The following MGAT4C variants were observed in gnomAD, a reference collection of about 807,000 sequenced individuals.
MGAT4C encodes alpha-1,3-mannosyl-glycoprotein 4-beta-N-acetylglucosaminyltransferase C.
In MGAT4C, 19 loss-of-function variants were observed where a neutral mutation model predicts 40.1. The observed-to-expected ratio is 0.47, with a 90% CI of 0.33 to 0.70. The LOEUF (loss-of-function observed/expected upper bound fraction) is 0.70, where lower values mean the gene tolerates loss of function less well. MGAT4C is among the 30% of genes least tolerant of loss of function. The pLI, the probability that MGAT4C is intolerant of heterozygous loss-of-function variation, is 0.02. For synonymous variants in MGAT4C, 181 were observed against 187.1 expected (o/e 0.97, Z 0.27); for missense variants, 491 against 563.2 (o/e 0.87, Z 1.30).
At chr12:86,679,496 A>G (rs192731951) in intron 2 of MGAT4C, among the ~76,000 whole-genome samples, 1 of 152,128 alleles carries the variant, frequency 6.6e-6, no homozygotes, top group African/African-American at 2.4e-5. Context: ...AAATATGACA[A>G]GATTGTTCTT....
chr12:86,588,410 T>C (rs965818558), intron 2 of MGAT4C, among the ~76,000 whole-genome samples: 1 of 152,016 alleles, frequency 6.6e-6, no homozygotes. Context: ...AAGCAAGTCC[T>C]GAGTGACCTA....
In MGAT4C at chr12:86,623,595, A is replaced by G. The variant is rs528894398; in HGVS notation, c.-229+103614T>C. 2.0e-5 allele frequency among the ~76,000 whole-genome samples: 3 copies of G among 152,322 alleles called. No homozygotes were observed. In the South Asian group the frequency reaches 6.2e-4, roughly 32 times the overall value. ...TTTTAAGAATTTCATCTAGAATTCT[A>G]TATCAAGTCAAAAATATCTTTCAAA... On this transcript the variant is annotated intron_variant, in intron 2 of 7. Coordinates refer to the MGAT4C transcript ENST00000548651.
chr12:86,703,747 TC>T (rs1950405094), intron 2 of MGAT4C, among the ~76,000 whole-genome samples: 1 of 151,206 alleles, frequency 6.6e-6, no homozygotes, highest in Non-Finnish European at 1.5e-5. Flanking sequence ...CCACATTATC[TC>T]CTATGTATGC....
intron 1 of MGAT4C, among the ~76,000 whole-genome samples, chr12:86,821,274 TTATAAATG>T (rs1211463815): frequency 6.6e-6 from 1 of 150,896 alleles, no homozygotes; most frequent in Non-Finnish European, 1.5e-5. Context: ...TCCAGGTACT[TTATAAATG>T]TATATAGGTT....
intron 4 of MGAT4C, among the ~76,000 whole-genome samples, chr12:86,276,511 A>G (rs1190812525): frequency 6.6e-6 from 1 of 152,134 alleles, no homozygotes; most frequent in East Asian, 1.9e-4. Flanking sequence ...AGTAGAAGGT[A>G]TTCATTTTTT....
At chr12:85,995,569 T>C (rs780975625) in intron 2 of MGAT4C, among the ~76,000 whole-genome samples, 11 of 149,092 alleles carry the variant, frequency 7.4e-5, no homozygotes, top group Non-Finnish European at 1.5e-4. Flanking sequence ...AACTGGACAT[T>C]AAAAAGAATA....
chr12:86,766,139 C>T (rs1951503543), intron 1 of MGAT4C, among the ~76,000 whole-genome samples: 1 of 152,012 alleles, frequency 6.6e-6, no homozygotes, highest in Admixed American at 6.6e-5. Flanking sequence ...CGTGCAGAGA[C>T]ACACATAGGC....
intron 2 of MGAT4C, among the ~76,000 whole-genome samples, chr12:86,012,466 C>G (rs373636185): frequency 1.3e-4 from 20 of 152,114 alleles, no homozygotes; most frequent in African/African-American, 4.8e-4. Context: ...TGAGGCCAGG[C>G]GCAGTGGCTC....
intron 2 of MGAT4C, among the ~76,000 whole-genome samples, chr12:86,610,736 C>A (rs910422486): frequency 2.1e-5 from 3 of 145,322 alleles, no homozygotes; most frequent in Non-Finnish European, 3.0e-5. Context: ...ATCCCACCCC[C>A]CTCCCCCTAC....
chr12:86,258,283 T>A (rs1422121489), upstream of MGAT4C, among the ~76,000 whole-genome samples: 1 of 141,700 alleles, frequency 7.1e-6, no homozygotes, highest in Non-Finnish European at 1.5e-5. Flanking sequence ...CAACAGGATA[T>A]AATCTATCTA....
intron 3 of MGAT4C, among the ~76,000 whole-genome samples, chr12:86,368,202 A>G (rs949984094): frequency 6.6e-6 from 1 of 152,206 alleles, no homozygotes; most frequent in African/African-American, 2.4e-5. Flanking sequence ...TATGCATATC[A>G]ACAATGAAAA....
intron 2 of MGAT4C, among the ~76,000 whole-genome samples, chr12:86,670,951 T>A (rs1232096324): frequency 1.3e-5 from 2 of 152,356 alleles, no homozygotes; most frequent in East Asian, 3.9e-4. Flanking sequence ...ATTCTATTTA[T>A]ACCATTCTAT....
intron 3 of MGAT4C, among the ~76,000 whole-genome samples, chr12:86,337,967 G>A (rs974674274): frequency 1.3e-5 from 2 of 152,086 alleles, no homozygotes; most frequent in South Asian, 2.1e-4. Flanking sequence ...TAATATAGCA[G>A]CAATCATAAG....
intron 1 of MGAT4C, among the ~76,000 whole-genome samples, chr12:86,132,609 C>A (rs1881358066): frequency 6.6e-6 from 1 of 151,768 alleles, no homozygotes; most frequent in African/African-American, 2.4e-5. Context: ...CTGGCTAACA[C>A]GATGAAACCC....
chr12:86,551,946 C>A (rs1959382739), intron 2 of MGAT4C, among the ~76,000 whole-genome samples: 2 of 151,388 alleles, frequency 1.3e-5, no homozygotes, highest in Admixed American at 1.3e-4. Context: ...TAAGCCTTCC[C>A]CTAGAAAACC....
rs113540742 is a variant in MGAT4C at position 86,352,856 on chromosome 12, G to A, written c.-119-18729C>T. On this transcript the variant is annotated intron_variant, in intron 3 of 7. Transcript: ENST00000548651. ...CACAGGAAGGGGAACATCACACTCC[G>A]GGGTCTGTTGTTGGGTGGGGGAAGG... Among the ~76,000 whole-genome samples, 533 of 149,648 alleles carry A rather than the reference G, an allele frequency of 3.6e-3. 3 individuals are homozygous for A. The highest frequency in any genetic ancestry group is 0.011 in the African/African-American group (470 of 40,962).
chr12:86,739,919 A>G (rs1233351089), intron 1 of MGAT4C, among the ~76,000 whole-genome samples: 2 of 150,880 alleles, frequency 1.3e-5, no homozygotes, highest in Non-Finnish European at 3.0e-5. Flanking sequence ...TTATATATAT[A>G]TATGTTTCTG....
chr12:86,381,162 T>C (rs1592766680), intron 3 of MGAT4C, among the ~76,000 whole-genome samples: 1 of 152,168 alleles, frequency 6.6e-6, no homozygotes, highest in Non-Finnish European at 1.5e-5. Flanking sequence ...TACCCAGCTT[T>C]ATAATGGTGT....
At chr12:86,318,662 T>G (rs1954303472) in intron 4 of MGAT4C, among the ~76,000 whole-genome samples, 1 of 152,162 alleles carries the variant, frequency 6.6e-6, no homozygotes, top group Admixed American at 6.5e-5. Flanking sequence ...TATATTATAC[T>G]ATGTTGTATG....
Sources: allele counts gnomAD v4.1 joint callset (sites outside exome capture counted in the v4.1 genomes callset), GRCh38; gene constraint gnomAD v4.1.1; transcripts MANE v1.5; gene names NCBI Gene and HGNC (gene_info 2026-07-23, HGNC 2026-07-21).